Variants in TMEM161B observed in about 807,000 individuals in gnomAD.
TMEM161B encodes the protein transmembrane protein 161B.
TMEM161B carries 34 observed loss-of-function variants against 61.8 expected under a neutral mutation model. The observed-to-expected ratio is 0.55, with a 90% CI of 0.42 to 0.73. The LOEUF (loss-of-function observed/expected upper bound fraction) is 0.73, where lower values mean the gene tolerates loss of function less well. Among genes scored for constraint, TMEM161B ranks in the 30% least tolerant of loss-of-function variants. TMEM161B has a pLI of 0.00. For synonymous variants in TMEM161B, 167 were observed against 192.8 expected (o/e 0.87, Z 1.11); for missense variants, 456 against 558.5 (o/e 0.82, Z 1.85).
chr5:88,266,626 T>C (rs1401244086), intron 1 of TMEM161B, among the ~76,000 whole-genome samples: 2 of 152,230 alleles, frequency 1.3e-5, no homozygotes, highest in African/African-American at 2.4e-5. Flanking sequence ...ATCTGGGTCC[T>C]CTGGGGTCAA....
intron 5 of TMEM161B, among the ~76,000 whole-genome samples, chr5:88,217,641 T>C (rs973876562): frequency 6.6e-6 from 1 of 152,112 alleles, no homozygotes; most frequent in Non-Finnish European, 1.5e-5. Context: ...TAGTACTTTT[T>C]AAAAGTAACC....
intron 4 of TMEM161B, 139 bp from the exon 5 acceptor site, chr5:88,220,858 C>A: frequency 8.3e-7 from 1 of 1,199,998 alleles, no homozygotes; most frequent in Non-Finnish European, 1.1e-6. Context: ...GTAAGATTTA[C>A]AAATATATGA....
intron 1 of TMEM161B, among the ~76,000 whole-genome samples, chr5:88,248,266 G>A (rs1753878338): frequency 6.6e-6 from 1 of 152,072 alleles, no homozygotes; most frequent in Non-Finnish European, 1.5e-5. Context: ...CTTCCCACAG[G>A]AGTCTTACTT....
chr5:88,256,962 A>G (rs550870410), intron 1 of TMEM161B, among the ~76,000 whole-genome samples: 8 of 152,362 alleles, frequency 5.3e-5, no homozygotes, highest in Admixed American at 3.9e-4. Context: ...TTTTAATGAG[A>G]TAGCTTTGTG....
intron 2 of TMEM161B, among the ~76,000 whole-genome samples, chr5:88,232,377 G>A (rs566553713): frequency 2.0e-5 from 3 of 152,210 alleles, no homozygotes; most frequent in Admixed American, 6.5e-5. Context: ...AAATAATGAA[G>A]ATGAGTGCAT....
At chr5:88,254,493 A>C (rs1217689597) in intron 1 of TMEM161B, among the ~76,000 whole-genome samples, 1 of 152,142 alleles carries the variant, frequency 6.6e-6, no homozygotes, top group Non-Finnish European at 1.5e-5. Flanking sequence ...ATGATTGCCA[A>C]GCACCTGCAA....
intron 1 of TMEM161B, among the ~76,000 whole-genome samples, chr5:88,243,130 T>C (rs1753010857): frequency 6.6e-6 from 1 of 151,782 alleles, no homozygotes; most frequent in Non-Finnish European, 1.5e-5. Context: ...TGTGCAGGTT[T>C]GTTATATAGG....
At chr5:88,197,363 A>T (rs1749834428) in intron 11 of TMEM161B, among the ~76,000 whole-genome samples, 1 of 152,172 alleles carries the variant, frequency 6.6e-6, no homozygotes, top group Admixed American at 6.6e-5. Flanking sequence ...ACCTTAAATC[A>T]TCCTCTTATA....
At chr5:88,226,645 T>C (rs1262585471) in intron 3 of TMEM161B, among the ~76,000 whole-genome samples, 1 of 152,138 alleles carries the variant, frequency 6.6e-6, no homozygotes, top group Non-Finnish European at 1.5e-5. Flanking sequence ...TTTGCATTTA[T>C]CCTTGAATAA....
intron 9 of TMEM161B, chr5:88,202,603 A>G (rs1262730088): frequency 4.1e-6 from 1 of 240,992 alleles, no homozygotes; most frequent in Non-Finnish European, 8.0e-6. Flanking sequence ...ATGAGTTTCC[A>G]TTTATACTTT....
downstream of TMEM161B, among the ~76,000 whole-genome samples, chr5:88,186,388 T>C (rs1282038684): frequency 6.6e-6 from 1 of 152,082 alleles, no homozygotes; most frequent in African/African-American, 2.4e-5. Flanking sequence ...CATAAAACAA[T>C]ACCAAGGATC....
At chr5:88,240,032 C>G (rs1337746188) in intron 2 of TMEM161B, among the ~76,000 whole-genome samples, 4 of 151,898 alleles carry the variant, frequency 2.6e-5, no homozygotes, top group African/African-American at 9.7e-5. Context: ...TGTGTGCAGA[C>G]TTTCCTTGAT....
chr5:88,246,705 T>C (rs1753665922), intron 1 of TMEM161B, among the ~76,000 whole-genome samples: 1 of 151,992 alleles, frequency 6.6e-6, no homozygotes, highest in Non-Finnish European at 1.5e-5. Flanking sequence ...TGTTCAAATA[T>C]CAAATATCCT....
At chr5:88,230,691 C>T (rs1454912311) in intron 2 of TMEM161B, among the ~76,000 whole-genome samples, 1 of 152,168 alleles carries the variant, frequency 6.6e-6, no homozygotes, top group Non-Finnish European at 1.5e-5. Context: ...TATGCCCCTA[C>T]TTGGCAAACT....
At position 88,196,460 on chromosome 5, in the gene TMEM161B, T is replaced by C. The variant is rs371136089; in HGVS notation, c.1215A>G (p.Glu405=). The C allele has an allele frequency of 3.7e-6, 6 of 1,609,492 alleles. No individual in the cohort carries two copies. The African/African-American group carries it at 8.0e-5, about 22-fold the overall frequency. Residue 405 remains glutamate, a synonymous_variant, in exon 12 of 12, where the codon GAA becomes GAG. Transcript: ENST00000296595. ...TATCCACTGGTAAGGTAGAGATAGA[T>C]TCTGGATAAATACCCCAGGAATGAT... ...LGNHSWGIYP[E]SISTLPVDNS...
chr5:88,259,894 T>C (rs1165499342), intron 1 of TMEM161B, among the ~76,000 whole-genome samples: 1 of 152,196 alleles, frequency 6.6e-6, no homozygotes, highest in Admixed American at 6.5e-5. Flanking sequence ...TAAGTGAATC[T>C]TACTCAAGAC....
In TMEM161B at chr5:88,250,193, A is replaced by AAG. The variant is rs375218954; in HGVS notation, c.4-9279_4-9278dup. ...GCACAGAGAGAGAGAAAGAGAGAGAAAGAGAGAGAGAGAGAGAGAGACCGA... is the reference window on the plus strand; with the variant it reads ...GCACAGAGAGAGAGAAAGAGAGAGAAAGAGAGAGAGAGAGAGAGAGAGACCGA... On this transcript the variant is annotated intron_variant, in intron 1 of 11. Transcript: ENST00000296595. Among the ~76,000 whole-genome samples the AAG allele has an allele frequency of 3.1e-3, 461 of 148,522 alleles. 2 individuals are homozygous for AAG. Among genetic ancestry groups the AAG allele is most frequent in the African/African-American group, 6.8e-3 (275 of 40,276 alleles).
chr5:88,202,979 G>A lies in TMEM161B; in HGVS notation c.897C>T (p.Gly299=), dbSNP rs1412381949. ...TKDYIMNPPL[G]KESIPLMTEA... is the part of the protein sequence containing the mutation. ...ATACTTACAAAGGGATACTTTCTTT[G>A]CCCAGTGGTGGGTTCATAATGTAGT... Residue 299 remains glycine, a synonymous_variant, in exon 9 of 12, where the codon GGC becomes GGT. Transcript: ENST00000296595. The A allele has an allele frequency of 6.2e-7, 1 of 1,608,686 alleles. No homozygotes were observed. The highest frequency in any genetic ancestry group is 1.7e-5 in the Admixed American group (1 of 59,900).
exon 13 of TMEM161B, chr5:88,189,890 A>G: frequency 1.7e-6 from 1 of 595,194 alleles, no homozygotes. Flanking sequence ...TGATAGTCTG[A>G]TTCATCCGCT....
Sources: allele counts gnomAD v4.1 joint callset (sites outside exome capture counted in the v4.1 genomes callset), GRCh38; gene constraint gnomAD v4.1.1; transcripts MANE v1.5; gene names NCBI Gene and HGNC (gene_info 2026-07-23, HGNC 2026-07-21).